BNIP5: variants seen among roughly 807,000 people sequenced by gnomAD.
The protein encoded by BNIP5 is protein BNIP5.
Under a neutral mutation model 67.3 loss-of-function variants are expected in BNIP5, and 61 were observed. That is an observed-to-expected ratio of 0.91 (90% CI 0.74 to 1.12). BNIP5 has a LOEUF of 1.12. Ranked by LOEUF, BNIP5 falls within the 50% of genes most tolerant of loss-of-function variation. BNIP5 has a pLI of 0.00. For synonymous variants in BNIP5, 317 were observed against 319.0 expected (o/e 0.99, Z 0.07); for missense variants, 826 against 816.3 (o/e 1.01, Z -0.14).
chr6:36,321,535 G>A (rs1425529487), intron 9 of BNIP5, among the ~76,000 whole-genome samples: 2 of 152,052 alleles, frequency 1.3e-5, no homozygotes, highest in Non-Finnish European at 2.9e-5. Context: ...CAGGCTACAG[G>A]GTAGCACAGT....
chr6:36,330,480 T>C lies in BNIP5; in HGVS notation c.211A>G (p.Thr71Ala). The change falls in exon 2 of 12, where the codon ACC becomes GCC. Residue 71 changes from threonine (T) to alanine (A), a missense_variant. Transcript: ENST00000437635. ...TCGGGAGTGGGGGCTGCAGCGGTGGTGCAGTGAGCCTCTGCAGATGGAGCT... is the reference window on the plus strand; with the variant it reads ...TCGGGAGTGGGGGCTGCAGCGGTGGCGCAGTGAGCCTCTGCAGATGGAGCT... ...SPAPSAEAHC[T>A]TAAAPTPEET... The C allele has an allele frequency of 1.2e-6, 2 of 1,614,154 alleles. No homozygotes were observed. The highest frequency in any genetic ancestry group is 1.6e-4 in the Middle Eastern group (1 of 6,062).
intron 6 of BNIP5, 90 bp downstream of exon 6, chr6:36,325,193 C>G: frequency 7.0e-7 from 1 of 1,432,016 alleles, no homozygotes; most frequent in Non-Finnish European, 9.8e-7. Context: ...CAGGTCACTG[C>G]CTCTCTCTGG....
At chr6:36,333,134 T>C (rs2127371982) in intron 1 of BNIP5, among the ~76,000 whole-genome samples, 1 of 152,310 alleles carries the variant, frequency 6.6e-6, no homozygotes, top group Non-Finnish European at 1.5e-5. Context: ...ACACACATAT[T>C]TGAAGGTGAC....
intron 4 of BNIP5, 25 bp from the exon 5 acceptor site, chr6:36,326,778 G>A (rs772723744): frequency 3.1e-6 from 5 of 1,613,018 alleles, no homozygotes; most frequent in Non-Finnish European, 3.4e-6. Flanking sequence ...AGAAAAACTG[G>A]TCAGGTTCAT....
intron 2 of BNIP5, among the ~76,000 whole-genome samples, 147 bp downstream of exon 2, chr6:36,329,926 GAGGGAGGA>G (rs1331169178): frequency 6.8e-6 from 1 of 147,518 alleles, no homozygotes; most frequent in African/African-American, 2.7e-5. Context: ...AGAAGGAAGG[GAGGGAGGA>G]AGGGAGGGAG....
At position 36,323,375 on chromosome 6, in the gene BNIP5, G is replaced by C. The variant is rs1459728171; in HGVS notation, c.1389C>G (p.Ser463Arg). 1.9e-6 allele frequency: 3 copies of C among 1,614,162 alleles called. No individual in the cohort carries two copies. The highest frequency in any genetic ancestry group is 1.3e-5 in the African/African-American group (1 of 74,954). Residue 463 changes from serine to arginine, a missense_variant, in exon 8 of 12, where the codon AGC becomes AGG. Ser to Arg is a moderately radical substitution (Grantham distance 110). Coordinates refer to ENST00000437635, the MANE Select transcript of BNIP5 (RefSeq NM_001010903.5). ...GCCTCTTGGGTCGTCGGGCCTCTGG[G>C]CTGGCAGCCCCTGCTGCCCCCGCTC... ...PRRAGAAGAA[S>R]PEARRPKRPS...
At chr6:36,330,820 G>T in intron 1 of BNIP5, 126 bp from the exon 2 acceptor site, 4 of 1,281,112 alleles carry the variant, frequency 3.1e-6, no homozygotes, top group Non-Finnish European at 4.2e-6. Flanking sequence ...CTGGAGTGCA[G>T]TGGCGCTATC....
At chr6:36,324,561 A>G (rs1478113598) in intron 6 of BNIP5, among the ~76,000 whole-genome samples, 14 of 95,120 alleles carry the variant, frequency 1.5e-4, no homozygotes, top group African/African-American at 5.8e-4. Flanking sequence ...GTCTTTTCAG[A>G]CCTGACGGTG....
At chr6:36,332,259 A>C (rs1561887494) in intron 1 of BNIP5, among the ~76,000 whole-genome samples, 1 of 152,138 alleles carries the variant, frequency 6.6e-6, no homozygotes, top group Admixed American at 6.5e-5. Flanking sequence ...CCCTCATGGA[A>C]AGAATGAGTT....
Position 36,321,199 on chromosome 6 carries a change from G to A in BNIP5, c.1624C>T (p.Leu542Phe). Residue 542 changes from leucine to phenylalanine, a missense_variant, in exon 10 of 12, where the codon CTT (leucine) becomes TTT (phenylalanine). Leu to Phe is a conservative substitution (Grantham distance 22). Coordinates refer to ENST00000437635, the MANE Select transcript of BNIP5 (RefSeq NM_001010903.5). ...CESKEIIIQK[L>F]VALLQEVDGQ... is the part of the protein sequence containing the mutation. Reference sequence around the variant, plus strand: ...TCCACTTCTTGGAGAAGTGCCACAAGCTTCTGGATGATGATCTCCTCTAAG... The same window carrying A: ...TCCACTTCTTGGAGAAGTGCCACAAACTTCTGGATGATGATCTCCTCTAAG... 6.3e-7 allele frequency: 1 copy of A among 1,598,262 alleles called. No homozygotes were observed. Among genetic ancestry groups the A allele is most frequent in the Non-Finnish European group, 8.5e-7 (1 of 1,171,884 alleles).
Position 36,323,351 on chromosome 6 carries a change from C to T in BNIP5, c.1413G>A (p.Arg471=), listed in dbSNP as rs757321026. The change falls in exon 8 of 12, where the codon AGG becomes AGA. Residue 471 remains arginine, a synonymous_variant. Coordinates refer to ENST00000437635, the MANE Select transcript of BNIP5 (RefSeq NM_001010903.5). ...CAACACACAGGGGCAGAAAGCTGGGCCTCTTGGGTCGTCGGGCCTCTGGGC... is the reference window on the plus strand; with the variant it reads ...CAACACACAGGGGCAGAAAGCTGGGTCTCTTGGGTCGTCGGGCCTCTGGGC... ...AASPEARRPK[R]PSFLPLCVGG... 6 of 1,614,162 alleles carry T rather than the reference C, an allele frequency of 3.7e-6. No homozygotes were observed. The South Asian group carries it at 6.6e-5, about 18-fold the overall frequency.
At chr6:36,331,774 C>T (rs1771912236) in intron 1 of BNIP5, among the ~76,000 whole-genome samples, 1 of 152,148 alleles carries the variant, frequency 6.6e-6, no homozygotes, top group African/African-American at 2.4e-5. Flanking sequence ...AAGCGATCAA[C>T]CTACCTCGGT....
chr6:36,332,805 A>G (rs1254198307), intron 1 of BNIP5, among the ~76,000 whole-genome samples: 2 of 152,078 alleles, frequency 1.3e-5, no homozygotes, highest in African/African-American at 2.4e-5. Context: ...GGGCTTTCCA[A>G]TTTTTCCAGA....
In BNIP5 at chr6:36,330,649, C is replaced by A; in HGVS notation, c.42G>T (p.Lys14Asn). The A allele has an allele frequency of 6.2e-7, 1 of 1,601,214 alleles. No individual in the cohort carries two copies. Among genetic ancestry groups the A allele is most frequent in the South Asian group, 1.1e-5 (1 of 90,692 alleles). ...GCGGCCTGTCCAGAGACCTGGCTTT[C>A]TTCTCCGCCAGGGGCCTCCTTGGGC... is the stretch of plus-strand genomic sequence containing the variant. ...PRCPRRPLAE[K>N]KARSLDRPQA... The change falls in exon 2 of 12, where the codon AAG becomes AAT. Residue 14 changes from lysine (K) to asparagine (N), a missense_variant. By Grantham distance (94) the Lys-to-Asn change is moderately conservative. Coordinates refer to ENST00000437635, the MANE Select transcript of BNIP5 (RefSeq NM_001010903.5).
At chr6:36,326,092 C>G (rs1430968713) in intron 5 of BNIP5, among the ~76,000 whole-genome samples, 1 of 152,210 alleles carries the variant, frequency 6.6e-6, no homozygotes, top group African/African-American at 2.4e-5. Context: ...AGGGAAATGT[C>G]TCACTTTACA....
chr6:36,318,655 T>C (rs544639714), intron 11 of BNIP5, among the ~76,000 whole-genome samples: 1 of 152,054 alleles, frequency 6.6e-6, no homozygotes, highest in African/African-American at 2.4e-5. Flanking sequence ...CCAGGAAGGT[T>C]GAGGCTGCAG....
In BNIP5 at chr6:36,330,599, G is replaced by A. The variant is rs777896318; in HGVS notation, c.92C>T (p.Ser31Leu). ...RPQAPGKGSE[S>L]WDCHWLSLPT... ...CAGGGAGAGCCAATGGCAGTCCCAC[G>A]ACTCCGAGCCTTTCCCGGGGGCCTG... Residue 31 changes from serine to leucine, a missense_variant, in exon 2 of 12, where the codon TCG becomes TTG. By Grantham distance (145) the Ser-to-Leu change is moderately radical (BLOSUM62 -2). Coordinates refer to ENST00000437635, the MANE Select transcript of BNIP5 (RefSeq NM_001010903.5). 2.5e-5 allele frequency: 41 copies of A among 1,612,150 alleles called. No homozygotes were observed. The East Asian group carries it at 3.1e-4, about 12-fold the overall frequency.
intron 10 of BNIP5, among the ~76,000 whole-genome samples, chr6:36,320,405 A>T (rs1162223274): frequency 1.3e-5 from 2 of 151,980 alleles, no homozygotes; most frequent in African/African-American, 4.8e-5. Context: ...CTATCCACCA[A>T]CTCCCACCAG....
Position 36,330,461 on chromosome 6 carries a change from G to C in BNIP5, c.230C>G (p.Thr77Ser), listed in dbSNP as rs1291425907. Residue 77 changes from threonine to serine, a missense_variant, in exon 2 of 12, where the codon ACT becomes AGT. Coordinates refer to ENST00000437635, the MANE Select transcript of BNIP5 (RefSeq NM_001010903.5). ...EAHCTTAAAP[T>S]PEETGDFLPS... ...GAGAAAATCTCCGGTCTCCTCGGGA[G>C]TGGGGGCTGCAGCGGTGGTGCAGTG... 1.2e-6 allele frequency: 2 copies of C among 1,614,088 alleles called. No homozygotes were observed. Among genetic ancestry groups the C allele is most frequent in the East Asian group, 4.5e-5 (2 of 44,894 alleles).
Sources: gnomAD v4.1 joint callset for allele counts (sites outside exome capture counted in the v4.1 genomes callset) on GRCh38, gnomAD v4.1.1 for gene constraint, MANE v1.5 for transcripts, NCBI Gene and HGNC (gene_info 2026-07-23, HGNC 2026-07-21) for gene names.